NBEA: variants seen among roughly 807,000 people sequenced by gnomAD.
The protein encoded by NBEA is neurobeachin.
NBEA carries 44 observed loss-of-function variants against 343.4 expected under a neutral mutation model. The ratio of observed to expected loss-of-function variants is 0.13; its 90% CI spans 0.10 to 0.16. NBEA has a LOEUF of 0.16. Ranked by LOEUF, NBEA falls within the 10% of genes least tolerant of loss-of-function variation. The probability of loss-of-function intolerance (pLI) is 1.00; values close to 1 mark genes in which losing one functional copy is unlikely to be tolerated. For synonymous variants in NBEA, 1,175 were observed against 1,238.7 expected (o/e 0.95, Z 1.08); for missense variants, 2,555 against 3,631.3 (o/e 0.70, Z 7.62).
intron 36 of NBEA, among the ~76,000 whole-genome samples, chr13:35,315,862 C>T (rs1161515336): frequency 6.6e-6 from 1 of 152,008 alleles, no homozygotes. Flanking sequence ...AACCAACAAG[C>T]ATTGGTTTGC....
At chr13:35,064,596 G>A (rs1461720221) in intron 8 of NBEA, among the ~76,000 whole-genome samples, 1 of 151,976 alleles carries the variant, frequency 6.6e-6, no homozygotes, top group Non-Finnish European at 1.5e-5. Flanking sequence ...GGTGAATTAT[G>A]TTCCCCTAAA....
intron 39 of NBEA, among the ~76,000 whole-genome samples, chr13:35,435,285 T>G (rs970795970): frequency 1.3e-5 from 2 of 152,190 alleles, no homozygotes; most frequent in African/African-American, 4.8e-5. Flanking sequence ...AGTGCTGGGA[T>G]TACAGGCGTG....
At chr13:35,241,009 A>G (rs1484753540) in intron 34 of NBEA, among the ~76,000 whole-genome samples, 1 of 151,856 alleles carries the variant, frequency 6.6e-6, no homozygotes, top group African/African-American at 2.4e-5. Context: ...ATGGTGAACT[A>G]TATCATATTC....
At chr13:35,099,834 A>C (rs1237027579) in intron 11 of NBEA, among the ~76,000 whole-genome samples, 1 of 152,166 alleles carries the variant, frequency 6.6e-6, no homozygotes, top group Non-Finnish European at 1.5e-5. Context: ...TTATGATCTC[A>C]CAGGAGTTTA....
At chr13:35,257,832 G>T (rs1326456349) in intron 34 of NBEA, among the ~76,000 whole-genome samples, 1 of 152,070 alleles carries the variant, frequency 6.6e-6, no homozygotes, top group Non-Finnish European at 1.5e-5. Flanking sequence ...TAAATTTAAT[G>T]AAGTCTGACA....
chr13:35,623,110 A>C (rs1011217116), intron 48 of NBEA, among the ~76,000 whole-genome samples: 1 of 152,180 alleles, frequency 6.6e-6, no homozygotes, highest in South Asian at 2.1e-4. Context: ...CTGCCTTTAG[A>C]TATGCAAGTA....
intron 26 of NBEA, among the ~76,000 whole-genome samples, 163 bp from the exon 27 acceptor site, chr13:35,173,301 A>T (rs575550295): frequency 1.3e-5 from 2 of 151,968 alleles, no homozygotes; most frequent in Non-Finnish European, 2.9e-5. Flanking sequence ...TACTTTCACT[A>T]CTGTATTTCA....
chr13:35,603,015 A>G (rs1219060343), intron 47 of NBEA, among the ~76,000 whole-genome samples: 1 of 152,210 alleles, frequency 6.6e-6, no homozygotes, highest in African/African-American at 2.4e-5. Context: ...AAATTGAGCT[A>G]TTTTATACTT....
Position 35,550,614 on chromosome 13 carries a change from T to C in NBEA, c.6703+20T>C. 7.0e-7 allele frequency: 1 copy of C among 1,419,994 alleles called. No homozygotes were observed. The highest frequency in any genetic ancestry group is 9.9e-7 in the Non-Finnish European group (1 of 1,007,712). The allele number at this position is 1,419,994 out of a possible 1,614,324, so 88.0% of individuals were successfully genotyped here. A position where few individuals can be genotyped will look rare whatever the true frequency, so the allele number is the denominator to read the frequency against. On this transcript the variant is annotated intron_variant, in intron 42 of 58. Coordinates refer to ENST00000379939, the MANE Select transcript of NBEA (RefSeq NM_001385012.1). ...ACCGAAGTAAGTCCCCTTAATATTT[T>C]GAAAGAAAATGTGCTCATATTTACA...
chr13:35,479,340 T>G (rs1045685634), intron 41 of NBEA, among the ~76,000 whole-genome samples: 1 of 152,204 alleles, frequency 6.6e-6, no homozygotes, highest in African/African-American at 2.4e-5. Context: ...TGCTTGTTGC[T>G]GCAACACAGT....
chr13:35,234,147 G>A (rs541381919), intron 34 of NBEA, among the ~76,000 whole-genome samples: 3 of 152,194 alleles, frequency 2.0e-5, no homozygotes, highest in Admixed American at 6.6e-5. Context: ...GAGGTAATGG[G>A]TTCTTTGGCT....
chr13:35,118,355 T>G (rs2066614556), intron 15 of NBEA, 22 bp from the exon 16 acceptor site: 1 of 1,587,076 alleles, frequency 6.3e-7, no homozygotes, highest in African/African-American at 1.3e-5. Context: ...AAATTTTAAA[T>G]CAACATTGGT....
chr13:35,000,634 T>C (rs890571263), intron 1 of NBEA, among the ~76,000 whole-genome samples: 8 of 150,632 alleles, frequency 5.3e-5, no homozygotes, highest in Middle Eastern at 3.5e-3. Flanking sequence ...CATACACAAA[T>C]GCAGGGATAC....
At chr13:35,632,136 G>A (rs112343499) in intron 49 of NBEA, among the ~76,000 whole-genome samples, 2 of 152,156 alleles carry the variant, frequency 1.3e-5, no homozygotes, top group African/African-American at 4.8e-5. Context: ...AGTTTTTCAA[G>A]CATTATAAAG....
At chr13:35,294,750 G>T (rs932260178) in intron 35 of NBEA, among the ~76,000 whole-genome samples, 5 of 151,986 alleles carry the variant, frequency 3.3e-5, no homozygotes, top group African/African-American at 9.7e-5. Context: ...ATATAAATGA[G>T]CAGTTACCTT....
chr13:35,186,490 C>G, intron 30 of NBEA: 1 of 152,120 alleles, frequency 6.6e-6, no homozygotes, highest in East Asian at 1.9e-4. Flanking sequence ...ATATAACTTA[C>G]ATCTTATTTT....
At chr13:34,956,015 T>G (rs2152486992) in intron 1 of NBEA, among the ~76,000 whole-genome samples, 1 of 152,296 alleles carries the variant, frequency 6.6e-6, no homozygotes, top group Non-Finnish European at 1.5e-5. Context: ...CTATCAACTC[T>G]CCCTTTTATT....
In NBEA at chr13:35,404,730, G is replaced by A. The variant is rs2043182819; in HGVS notation, c.6180-27539G>A. Among the ~76,000 whole-genome samples, 3 of 151,198 alleles carry A rather than the reference G, an allele frequency of 2.0e-5. No homozygotes were observed. In the Admixed American group the frequency reaches 2.0e-4, roughly 10 times the overall value. On this transcript the variant is annotated intron_variant, in intron 38 of 58. Transcript: ENST00000379939. Reference sequence around the variant, plus strand: ...TAACTAACCTGCACATTGTGCACATGTACCCTAAAACTTAAAGTATAATAA... The same window carrying A: ...TAACTAACCTGCACATTGTGCACATATACCCTAAAACTTAAAGTATAATAA...
chr13:35,159,344 A>G lies in NBEA; in HGVS notation c.3173A>G (p.Asp1058Gly). The G allele has an allele frequency of 6.2e-7, 1 of 1,613,526 alleles. No homozygotes were observed. The highest frequency in any genetic ancestry group is 8.5e-7 in the Non-Finnish European group (1 of 1,179,678). The change falls in exon 22 of 59, where the codon GAT (aspartate) becomes GGT (glycine). Residue 1058 changes from aspartate (D) to glycine (G), a missense_variant. Transcript: ENST00000379939. ...GTGGAAGTACATGATCTTTTAGTAG[A>G]TATAAAAGCAGAGAAAGTGGAAGCA... ...VHVEVHDLLV[D>G]IKAEKVEATE...
Sources: allele counts gnomAD v4.1 joint callset (sites outside exome capture counted in the v4.1 genomes callset), GRCh38; gene constraint gnomAD v4.1.1; transcripts MANE v1.5; gene names NCBI Gene and HGNC (gene_info 2026-07-23, HGNC 2026-07-21).